The following SNTG1 variants were observed in gnomAD, a reference collection of about 807,000 sequenced individuals.
SNTG1 encodes the protein gamma-1-syntrophin.
Under a neutral mutation model 74.7 loss-of-function variants are expected in SNTG1, and 39 were observed. The ratio of observed to expected loss-of-function variants is 0.52; its 90% CI spans 0.40 to 0.68. The LOEUF (loss-of-function observed/expected upper bound fraction) is 0.68. SNTG1 is among the 30% of genes least tolerant of loss of function. The probability of loss-of-function intolerance (pLI) is 0.00; values close to 1 mark genes in which losing one functional copy is unlikely to be tolerated. For missense variants in SNTG1, 685 were observed against 609.5 expected (o/e 1.12, Z -1.30); for synonymous variants, 254 against 217.1 (o/e 1.17, Z -1.49).
intron 2 of SNTG1, among the ~76,000 whole-genome samples, chr8:50,362,493 A>G (rs1298228734): frequency 1.3e-5 from 2 of 152,128 alleles, no homozygotes; most frequent in African/African-American, 2.4e-5. Flanking sequence ...TCCACTTGTA[A>G]CATGCTTCAT....
intron 2 of SNTG1, among the ~76,000 whole-genome samples, chr8:50,272,804 A>G (rs1055560308): frequency 4.0e-5 from 6 of 151,886 alleles, no homozygotes; most frequent in Non-Finnish European, 2.9e-5. Flanking sequence ...TGGCACAATC[A>G]TAGCTCATGG....
In SNTG1 at chr8:50,013,845, G is replaced by A. The variant is rs532558557; in HGVS notation, c.-103+101614G>A. Among the ~76,000 whole-genome samples, 7 of 152,160 alleles carry A rather than the reference G, an allele frequency of 4.6e-5. No individual in the cohort carries two copies. The East Asian group carries it at 1.4e-3, about 29-fold the overall frequency. ...GGGATTTTATAAATACCCATGTTAA[G>A]GGAGGACTTGGAACCTGAAAAGTTT... On this transcript the variant is annotated intron_variant, in intron 1 of 18. Transcript: ENST00000642720.
At chr8:50,384,519 C>T (rs1253698088) in intron 2 of SNTG1, among the ~76,000 whole-genome samples, 1 of 152,140 alleles carries the variant, frequency 6.6e-6, no homozygotes, top group African/African-American at 2.4e-5. Context: ...ATAAACCTGC[C>T]ATCAGGTACC....
chr8:50,233,631 C>CA (rs888646609), intron 2 of SNTG1, among the ~76,000 whole-genome samples: 2 of 150,700 alleles, frequency 1.3e-5, no homozygotes, highest in Admixed American at 6.6e-5. Flanking sequence ...CACAAGCTGG[C>CA]AAAAAATAGC....
chr8:50,563,828 G>T (rs1448844905), intron 12 of SNTG1, among the ~76,000 whole-genome samples: 2 of 152,016 alleles, frequency 1.3e-5, no homozygotes, highest in African/African-American at 4.8e-5. Flanking sequence ...CCCATTTCCT[G>T]CCCAATTAGA....
chr8:50,095,564 G>A (rs1305335045), intron 1 of SNTG1, among the ~76,000 whole-genome samples: 1 of 152,090 alleles, frequency 6.6e-6, no homozygotes, highest in Non-Finnish European at 1.5e-5. Context: ...ATCCACATAA[G>A]ATATGATCCT....
chr8:49,937,236 A>G (rs1428562971), intron 1 of SNTG1, among the ~76,000 whole-genome samples: 3 of 152,164 alleles, frequency 2.0e-5, no homozygotes, highest in South Asian at 2.1e-4. Context: ...TACACATTAT[A>G]TGATTCCAAT....
At chr8:50,007,426 G>C (rs1815346142) in intron 1 of SNTG1, among the ~76,000 whole-genome samples, 1 of 152,024 alleles carries the variant, frequency 6.6e-6, no homozygotes, top group Admixed American at 6.6e-5. Flanking sequence ...ATATTGTCTG[G>C]ACTGGAAATC....
chr8:49,993,803 T>C (rs953234853), intron 1 of SNTG1, among the ~76,000 whole-genome samples: 7 of 152,228 alleles, frequency 4.6e-5, no homozygotes, highest in Non-Finnish European at 1.0e-4. Flanking sequence ...ATGCAGTCTA[T>C]CATTGATGGG....
chr8:50,377,311 G>A (rs954084420), intron 2 of SNTG1, among the ~76,000 whole-genome samples: 1 of 152,044 alleles, frequency 6.6e-6, no homozygotes, highest in African/African-American at 2.4e-5. Flanking sequence ...TCCTTTGTTG[G>A]CTTATTTCTG....
chr8:50,465,068 G>T (rs1039184050), intron 8 of SNTG1, among the ~76,000 whole-genome samples: 1 of 151,902 alleles, frequency 6.6e-6, no homozygotes, highest in Non-Finnish European at 1.5e-5. Context: ...AGGAAACAAG[G>T]TGTGCTTGTA....
At chr8:50,617,860 T>C (rs1254700744) in intron 13 of SNTG1, among the ~76,000 whole-genome samples, 1 of 152,196 alleles carries the variant, frequency 6.6e-6, no homozygotes, top group Non-Finnish European at 1.5e-5. Flanking sequence ...GGGGTTGATC[T>C]TTAACTACCA....
intron 17 of SNTG1, among the ~76,000 whole-genome samples, chr8:50,724,042 G>A (rs955294834): frequency 5.9e-5 from 9 of 152,104 alleles, no homozygotes; most frequent in Middle Eastern, 3.2e-3. Context: ...GAGGGAGCGA[G>A]AGAATAAAAA....
At chr8:49,934,221 C>T (rs922924966) in intron 1 of SNTG1, among the ~76,000 whole-genome samples, 1 of 152,008 alleles carries the variant, frequency 6.6e-6, no homozygotes, top group African/African-American at 2.4e-5. Context: ...ACATACCTTT[C>T]CTTGCAGCAA....
chr8:49,941,595 T>C (rs1199343709), intron 1 of SNTG1, among the ~76,000 whole-genome samples: 1 of 151,080 alleles, frequency 6.6e-6, no homozygotes, highest in Non-Finnish European at 1.5e-5. Context: ...CCTTTGCACC[T>C]GCTTCAGGTT....
intron 1 of SNTG1, among the ~76,000 whole-genome samples, chr8:50,071,284 G>T (rs575534655): frequency 6.6e-6 from 1 of 152,248 alleles, no homozygotes; most frequent in African/African-American, 2.4e-5. Context: ...CTGCTGCCTT[G>T]AAAGCCTAGG....
chr8:49,991,302 T>C (rs182261722), intron 1 of SNTG1, among the ~76,000 whole-genome samples: 159 of 152,230 alleles, frequency 1.0e-3, no homozygotes, highest in South Asian at 2.1e-3. Context: ...AAAGTGTTGA[T>C]GGGGATATGA....
chr8:50,229,816 A>G (rs1180669721), intron 2 of SNTG1, among the ~76,000 whole-genome samples: 3 of 151,530 alleles, frequency 2.0e-5, no homozygotes, highest in Non-Finnish European at 3.0e-5. Context: ...TTCATGAAGA[A>G]AAATTACGTT....
intron 1 of SNTG1, among the ~76,000 whole-genome samples, chr8:50,080,650 G>C (rs546181997): frequency 1.3e-5 from 2 of 152,098 alleles, no homozygotes; most frequent in African/African-American, 4.8e-5. Flanking sequence ...TTAGGGGTTG[G>C]CAAACATTTT....
Sources: gnomAD v4.1 joint callset for allele counts (sites outside exome capture counted in the v4.1 genomes callset) on GRCh38, gnomAD v4.1.1 for gene constraint, MANE v1.5 for transcripts, NCBI Gene and HGNC (gene_info 2026-07-23, HGNC 2026-07-21) for gene names.